The following MNAT1 variants were observed in gnomAD, a reference collection of about 807,000 sequenced individuals.
The protein encoded by MNAT1 is CDK-activating kinase assembly factor MAT1.
MNAT1 carries 43 observed loss-of-function variants against 42.0 expected under a neutral mutation model. That is an observed-to-expected ratio of 1.02 (90% CI 0.80 to 1.32). The LOEUF (loss-of-function observed/expected upper bound fraction) is 1.32. MNAT1 is among the 40% of genes most tolerant of loss of function. MNAT1 has a pLI of 0.00. For synonymous variants in MNAT1, 118 were observed against 120.0 expected (o/e 0.98, Z 0.11); for missense variants, 306 against 350.4 (o/e 0.87, Z 1.01).
intron 6 of MNAT1, among the ~76,000 whole-genome samples, chr14:60,831,787 C>A (rs918941092): frequency 6.6e-6 from 1 of 152,160 alleles, no homozygotes. Context: ...AATTTACACT[C>A]CCACCAACAG....
At chr14:60,743,877 T>C (rs1266694744) in intron 1 of MNAT1, among the ~76,000 whole-genome samples, 1 of 152,206 alleles carries the variant, frequency 6.6e-6, no homozygotes, top group East Asian at 1.9e-4. Context: ...TCTAATCTCA[T>C]CCAATAGATT....
intron 1 of MNAT1, chr14:60,780,418 T>G: frequency 6.4e-7 from 1 of 1,566,250 alleles, no homozygotes; most frequent in Non-Finnish European, 8.8e-7. Flanking sequence ...TGTTGGAAGT[T>G]TCTTGTTCAT....
intron 6 of MNAT1, among the ~76,000 whole-genome samples, chr14:60,833,702 G>A (rs963480405): frequency 3.3e-5 from 5 of 152,174 alleles, no homozygotes; most frequent in Admixed American, 6.5e-5. Flanking sequence ...AATGGGTTAG[G>A]GAGGAGTGCC....
chr14:60,806,622 G>A (rs529123126), intron 3 of MNAT1, among the ~76,000 whole-genome samples: 1 of 152,328 alleles, frequency 6.6e-6, no homozygotes, highest in Admixed American at 6.5e-5. Flanking sequence ...TTGAGGCCAG[G>A]AGTTCAAGAC....
At chr14:60,897,350 C>T (rs1175657511) in intron 7 of MNAT1, among the ~76,000 whole-genome samples, 3 of 151,916 alleles carry the variant, frequency 2.0e-5, no homozygotes, top group African/African-American at 4.8e-5. Flanking sequence ...TATGTAAATA[C>T]ATAATTTATA....
chr14:60,740,826 A>T lies in MNAT1; in HGVS notation c.89+5875A>T, dbSNP rs1311560966. Among the ~76,000 whole-genome samples the T allele has an allele frequency of 1.3e-5, 2 of 152,202 alleles. No individual in the cohort carries two copies. Among genetic ancestry groups the T allele is most frequent in the African/African-American group, 4.8e-5 (2 of 41,440 alleles). On this transcript the variant is annotated intron_variant, in intron 1 of 7. Coordinates refer to ENST00000261245, the MANE Select transcript of MNAT1 (RefSeq NM_002431.4). This position sits in a 1 kb window ranked among gnomAD's most constrained non-coding sequence, Gnocchi z 4.1. ...ATCAGTGTACATTTGAAAAGAATATACATTCTGTGGTTGTTGGGTGTAGTG... is the reference window on the plus strand; with the variant it reads ...ATCAGTGTACATTTGAAAAGAATATTCATTCTGTGGTTGTTGGGTGTAGTG...
intron 6 of MNAT1, among the ~76,000 whole-genome samples, chr14:60,839,450 C>T (rs943005788): frequency 6.6e-6 from 1 of 152,214 alleles, no homozygotes; most frequent in Non-Finnish European, 1.5e-5. Context: ...CTGCCTTGCT[C>T]ACCTTCCAGT....
rs1253210395 is a variant in MNAT1 at position 60,968,279 on chromosome 14, A to C, written c.860A>C (p.Tyr287Ser). 5.0e-6 allele frequency: 8 copies of C among 1,613,880 alleles called. No homozygotes were observed. The highest frequency in any genetic ancestry group is 6.8e-6 in the Non-Finnish European group (8 of 1,179,920). ...TCACCACAGGACCTTGCTGGAGGCTATACTTCTTCTCTTGCTTGTCACAGA... is the reference window on the plus strand; with the variant it reads ...TCACCACAGGACCTTGCTGGAGGCTCTACTTCTTCTCTTGCTTGTCACAGA... ...AASPQDLAGGYTSSLACHRAL... is the reference protein window; with the variant it reads ...AASPQDLAGGSTSSLACHRAL... The change falls in exon 8 of 8, where the codon TAT (tyrosine) becomes TCT (serine). Residue 287 changes from tyrosine to serine, a missense_variant. Tyr to Ser is a moderately radical substitution (Grantham distance 144). This residue lies in a region of MNAT1 where 116 missense variants were observed against 139.6 expected (regional missense o/e 0.83). Transcript: ENST00000261245.
chr14:60,778,569 C>A (rs2140312233), intron 1 of MNAT1, among the ~76,000 whole-genome samples: 1 of 152,290 alleles, frequency 6.6e-6, no homozygotes, highest in South Asian at 2.1e-4. Context: ...TATCTGAGGA[C>A]TTACAGAGTG....
intron 7 of MNAT1, among the ~76,000 whole-genome samples, chr14:60,887,556 C>T (rs2034708520): frequency 6.6e-6 from 1 of 151,766 alleles, no homozygotes; most frequent in South Asian, 2.1e-4. Flanking sequence ...CTACAAAGGA[C>T]ATGAACTCAT....
intron 6 of MNAT1, among the ~76,000 whole-genome samples, chr14:60,866,434 T>C (rs2034204720): frequency 6.6e-6 from 1 of 151,942 alleles, no homozygotes; most frequent in Non-Finnish European, 1.5e-5. Flanking sequence ...CTTTGATCTT[T>C]CTCAAATGTT....
intron 7 of MNAT1, among the ~76,000 whole-genome samples, chr14:60,900,739 T>C (rs537901925): frequency 2.0e-5 from 3 of 152,242 alleles, no homozygotes; most frequent in African/African-American, 4.8e-5. Context: ...CAGCCACTTA[T>C]GGTAGCTCAC....
intron 6 of MNAT1, among the ~76,000 whole-genome samples, chr14:60,873,774 A>G (rs2034379382): frequency 6.6e-6 from 1 of 151,848 alleles, no homozygotes; most frequent in Non-Finnish European, 1.5e-5. Flanking sequence ...CCTGGCTCTT[A>G]GGCAGATTTT....
chr14:60,749,489 C>T (rs952108559), intron 1 of MNAT1, among the ~76,000 whole-genome samples: 34 of 152,050 alleles, frequency 2.2e-4, no homozygotes, highest in Admixed American at 8.5e-4. Context: ...ATCCTAGGTT[C>T]GCTACTTATT....
At chr14:60,868,917 TAGTA>T (rs1251556415) in intron 6 of MNAT1, among the ~76,000 whole-genome samples, 2 of 151,548 alleles carry the variant, frequency 1.3e-5, no homozygotes, top group Non-Finnish European at 2.9e-5. Context: ...TGTTTACGCT[TAGTA>T]AGAGCATTTT....
At chr14:60,789,541 G>A (rs1013438861) in intron 1 of MNAT1, among the ~76,000 whole-genome samples, 2 of 152,128 alleles carry the variant, frequency 1.3e-5, no homozygotes, top group African/African-American at 4.8e-5. Flanking sequence ...AATAAAATGA[G>A]GCATGCCTGT....
intron 7 of MNAT1, among the ~76,000 whole-genome samples, chr14:60,946,831 G>A (rs1665170115): frequency 6.6e-6 from 1 of 152,142 alleles, no homozygotes; most frequent in South Asian, 2.1e-4. Context: ...TACTTCAACT[G>A]CTATAACCAA....
chr14:60,888,568 A>G (rs1464333998), intron 7 of MNAT1, among the ~76,000 whole-genome samples: 1 of 151,632 alleles, frequency 6.6e-6, no homozygotes, highest in Non-Finnish European at 1.5e-5. Context: ...CACCACTCCT[A>G]TTCAACATAG....
intron 6 of MNAT1, among the ~76,000 whole-genome samples, chr14:60,853,176 A>G (rs1280077009): frequency 6.6e-6 from 1 of 152,132 alleles, no homozygotes; most frequent in Non-Finnish European, 1.5e-5. Flanking sequence ...CCTATCCATG[A>G]GCATGGAATT....
Sources: gnomAD v4.1 joint callset for allele counts (sites outside exome capture counted in the v4.1 genomes callset) on GRCh38, gnomAD v4.1.1 for gene constraint, gnomAD v4.1.1 regional missense constraint, Gnocchi (gnomAD v3.1) non-coding constraint, MANE v1.5 for transcripts, NCBI Gene and HGNC (gene_info 2026-07-23, HGNC 2026-07-21) for gene names.